ESYT2: variants seen among roughly 807,000 people sequenced by gnomAD.
The protein encoded by ESYT2 is extended synaptotagmin-2.
ESYT2 carries 54 observed loss-of-function variants against 107.2 expected under a neutral mutation model. That is an observed-to-expected ratio of 0.50 (90% confidence interval 0.40 to 0.63). ESYT2 has a LOEUF of 0.63. Among genes scored for constraint, ESYT2 ranks in the 30% least tolerant of loss-of-function variants. ESYT2 has a pLI of 0.00. For synonymous variants in ESYT2, 491 were observed against 434.1 expected (o/e 1.13, Z -1.63); for missense variants, 1,020 against 1,094.5 (o/e 0.93, Z 0.96).
chr7:158,777,419 A>T (rs1838607598), intron 6 of ESYT2, among the ~76,000 whole-genome samples: 1 of 152,098 alleles, frequency 6.6e-6, no homozygotes, highest in Non-Finnish European at 1.5e-5. Flanking sequence ...CCATGTGTTG[A>T]GGGAGGGACC....
At chr7:158,734,372 G>A in intron 22 of ESYT2, 50 bp downstream of exon 22, 1 of 1,612,248 alleles carries the variant, frequency 6.2e-7, no homozygotes, top group Non-Finnish European at 8.5e-7. Flanking sequence ...GGCGGGGAAA[G>A]CGTTTTTAGC....
At chr7:158,746,825 C>T (rs2129471549) in intron 16 of ESYT2, among the ~76,000 whole-genome samples, 1 of 152,220 alleles carries the variant, frequency 6.6e-6, no homozygotes, top group East Asian at 1.9e-4. Flanking sequence ...TGCTCGAGCC[C>T]AGGAGTCTGC....
At chr7:158,781,873 G>A (rs1324829517) in intron 6 of ESYT2, among the ~76,000 whole-genome samples, 6 of 75,594 alleles carry the variant, frequency 7.9e-5, no homozygotes, top group Non-Finnish European at 1.9e-4. Flanking sequence ...GTGTAAGAAC[G>A]AGAACAAGTA....
At chr7:158,760,212 A>T (rs962341663) in intron 11 of ESYT2, 65 bp from the exon 12 acceptor site, 26 of 1,448,548 alleles carry the variant, frequency 1.8e-5, no homozygotes, top group African/African-American at 2.8e-5. Context: ...AATTAAACCC[A>T]GTCTCTACAA....
At chr7:158,803,662 C>G (rs1839711108) in intron 1 of ESYT2, among the ~76,000 whole-genome samples, 1 of 152,220 alleles carries the variant, frequency 6.6e-6, no homozygotes, top group Non-Finnish European at 1.5e-5. Flanking sequence ...TTGGTTCACA[C>G]ACAGCACAAC....
At chr7:158,736,275 A>C (rs1214232702) in intron 20 of ESYT2, among the ~76,000 whole-genome samples, 1 of 152,226 alleles carries the variant, frequency 6.6e-6, no homozygotes, top group Non-Finnish European at 1.5e-5. Context: ...TTTTACATAA[A>C]GCTACTTGTA....
chr7:158,741,991 C>A (rs1837226726), intron 17 of ESYT2, 95 bp from the exon 18 acceptor site: 1 of 1,411,686 alleles, frequency 7.1e-7, no homozygotes, highest in Admixed American at 2.5e-5. Flanking sequence ...GCAAAAATTT[C>A]TTTAAAACTT....
chr7:158,788,413 C>A lies in ESYT2; in HGVS notation c.589G>T (p.Val197Leu). 6.2e-7 allele frequency: 1 copy of A among 1,609,556 alleles called. No individual in the cohort carries two copies. The highest frequency in any genetic ancestry group is 8.5e-7 in the Non-Finnish European group (1 of 1,178,314). The change falls in exon 5 of 23, where the codon GTA (valine) becomes TTA (leucine). Residue 197 changes from valine (V) to leucine (L), a missense_variant. Coordinates refer to ENST00000275418, the MANE Select transcript of ESYT2 (RefSeq NM_001367773.1). ...QIILDLQISF[V>L]GNCEIDLEIK... ...TCCAAATCAATCTCACAATTTCCTA[C>A]AAAACTAACAAAAAATTCTGCATTA...
chr7:158,823,366 G>T (rs185730509), intron 1 of ESYT2, among the ~76,000 whole-genome samples: 1 of 131,738 alleles, frequency 7.6e-6, no homozygotes, highest in African/African-American at 2.9e-5. Context: ...TGGCTCTGTC[G>T]CCCAGGCTGG....
At position 158,810,776 on chromosome 7, in the gene ESYT2, C is replaced by T. The variant is rs181697431; in HGVS notation, c.331-11704G>A. ...AAGGTGTCTTCCTCTAGAGACAAAG[C>T]GAATTACTGGGTGGCTAGGGTAGGC... On this transcript the variant is annotated intron_variant, in intron 1 of 22. Transcript: ENST00000275418. Among the ~76,000 whole-genome samples the T allele has an allele frequency of 3.9e-4, 60 of 151,914 alleles. 1 individual carries two copies. The highest frequency in any genetic ancestry group is 6.8e-3 in the Middle Eastern group (2 of 294).
intron 11 of ESYT2, among the ~76,000 whole-genome samples, chr7:158,761,092 C>G (rs1837943435): frequency 6.6e-6 from 1 of 152,198 alleles, no homozygotes; most frequent in African/African-American, 2.4e-5. Context: ...ACAGGCATCT[C>G]TCACGTGAGA....
At chr7:158,761,179 C>T (rs1361825121) in intron 11 of ESYT2, among the ~76,000 whole-genome samples, 2 of 152,168 alleles carry the variant, frequency 1.3e-5, no homozygotes, top group South Asian at 2.1e-4. Context: ...GGGGGCATCT[C>T]GCACAGCCCT....
At position 158,736,071 on chromosome 7, in the gene ESYT2, GC is replaced by G. The variant is rs1836934009; in HGVS notation, c.2400-464del. ...TCGCAGGAGGGAGAAGGCCTCCAAA[GC>G]ACTCCCGATGCTCAGCCAGACGCTG... On this transcript the variant is annotated intron_variant, in intron 20 of 22. Coordinates refer to ENST00000275418, the MANE Select transcript of ESYT2 (RefSeq NM_001367773.1). Among the ~76,000 whole-genome samples the G allele has an allele frequency of 1.3e-5, 2 of 152,226 alleles. 1 individual carries two copies.
rs377037371 is a variant in ESYT2, at chr7:158,819,354, G to C, written c.330+9735C>G. On this transcript the variant is annotated intron_variant, in intron 1 of 22. Transcript: ENST00000275418. ...AATACGTTTTCATAACTTAAAAAGA[G>C]CAGAAAATTAAATATCTCAAATTCT... 4.8e-3 allele frequency among the ~76,000 whole-genome samples: 715 copies of C among 149,912 alleles called. 4 individuals are homozygous for C. The highest frequency in any genetic ancestry group is 0.017 in the African/African-American group (679 of 40,616).
intron 4 of ESYT2, 81 bp from the exon 5 acceptor site, chr7:158,788,498 C>T (rs970159767): frequency 4.9e-6 from 6 of 1,213,778 alleles, no homozygotes; most frequent in Non-Finnish European, 7.0e-6. Flanking sequence ...GATGTATAAT[C>T]TGAATAAAAT....
chr7:158,768,564 C>T (rs568112633), intron 7 of ESYT2, among the ~76,000 whole-genome samples: 14 of 152,238 alleles, frequency 9.2e-5, no homozygotes, highest in East Asian at 1.9e-4. Flanking sequence ...GGATTACAGG[C>T]GCGCACCACC....
chr7:158,766,911 C>A (rs1170844797), intron 8 of ESYT2, among the ~76,000 whole-genome samples: 1 of 152,186 alleles, frequency 6.6e-6, no homozygotes, highest in Non-Finnish European at 1.5e-5. Context: ...ATCCTTCACT[C>A]CACCCACCCC....
intron 1 of ESYT2, among the ~76,000 whole-genome samples, chr7:158,816,922 T>C (rs1168131474): frequency 6.6e-6 from 1 of 152,258 alleles, no homozygotes; most frequent in African/African-American, 2.4e-5. Context: ...ATGTAGACGG[T>C]GTTAACAAAT....
At chr7:158,780,294 G>A (rs1838728185) in intron 6 of ESYT2, among the ~76,000 whole-genome samples, 1 of 152,204 alleles carries the variant, frequency 6.6e-6, no homozygotes, top group Non-Finnish European at 1.5e-5. Context: ...TCACCTGAGG[G>A]CTTCCTTCCC....
Sources: allele counts gnomAD v4.1 joint callset (sites outside exome capture counted in the v4.1 genomes callset), GRCh38; gene constraint gnomAD v4.1.1; transcripts MANE v1.5; gene names NCBI Gene and HGNC (gene_info 2026-07-23, HGNC 2026-07-21).